Variants in ZFPM2 observed in about 807,000 individuals in gnomAD.
ZFPM2 encodes the protein zinc finger protein ZFPM2.
ZFPM2 carries 20 observed loss-of-function variants against 98.6 expected under a neutral mutation model. The observed-to-expected ratio is 0.20, with a 90% CI of 0.14 to 0.29. The LOEUF is 0.29. Ranked by LOEUF, ZFPM2 falls within the 10% of genes least tolerant of loss-of-function variation. The pLI is 1.00. For synonymous variants in ZFPM2, 518 were observed against 502.7 expected (o/e 1.03, Z -0.41); for missense variants, 1,310 against 1,388.6 (o/e 0.94, Z 0.90).
chr8:105,678,407 CT>C (rs2130916253), intron 5 of ZFPM2: 1 of 152,252 alleles, frequency 6.6e-6, no homozygotes, highest in South Asian at 2.1e-4. Flanking sequence ...AAAATATAAT[CT>C]GATTGAGTAC....
intron 3 of ZFPM2, among the ~76,000 whole-genome samples, chr8:105,487,500 A>G (rs1421247375): frequency 1.3e-5 from 2 of 152,170 alleles, no homozygotes; most frequent in African/African-American, 4.8e-5. Context: ...GTTCTACAGA[A>G]CACGATTTAC....
intron 4 of ZFPM2, among the ~76,000 whole-genome samples, chr8:105,630,421 C>T (rs953407238): frequency 2.0e-5 from 3 of 152,136 alleles, no homozygotes; most frequent in African/African-American, 7.2e-5. Flanking sequence ...TGACTTACCT[C>T]CTCAAAGCTG....
intron 5 of ZFPM2, among the ~76,000 whole-genome samples, chr8:105,700,591 ATTGT>A (rs5893756): frequency 0.071 from 10,605 of 150,416 alleles, 414 homozygotes; most frequent in Middle Eastern, 0.14. Flanking sequence ...TGTTTGTTTG[ATTGT>A]TTGTTTGTTT....
chr8:105,740,542 T>TATTA (rs1491535612), intron 5 of ZFPM2, among the ~76,000 whole-genome samples: 294 of 145,346 alleles, frequency 2.0e-3, no homozygotes, highest in Non-Finnish European at 3.9e-3. Context: ...TATATATATA[T>TATTA]TATATATATA....
intron 5 of ZFPM2, among the ~76,000 whole-genome samples, chr8:105,690,486 G>A (rs550957702): frequency 6.6e-5 from 10 of 152,112 alleles, no homozygotes; most frequent in South Asian, 4.1e-4. Context: ...ACAAGCTTCC[G>A]CACCAGGGAT....
intron 1 of ZFPM2, among the ~76,000 whole-genome samples, chr8:105,359,583 C>T (rs1282840201): frequency 6.6e-6 from 1 of 151,898 alleles, no homozygotes; most frequent in Non-Finnish European, 1.5e-5. Flanking sequence ...ACCGTGTTAG[C>T]CAGGATGGTC....
intron 5 of ZFPM2, among the ~76,000 whole-genome samples, chr8:105,743,454 T>C (rs1812269750): frequency 6.6e-6 from 1 of 152,020 alleles, no homozygotes; most frequent in South Asian, 2.1e-4. Context: ...GATGTGAGGC[T>C]ATGCATGTCG....
intron 5 of ZFPM2, among the ~76,000 whole-genome samples, chr8:105,757,280 C>G (rs1367717542): frequency 6.6e-6 from 1 of 152,114 alleles, no homozygotes; most frequent in Non-Finnish European, 1.5e-5. Context: ...ATTAGACTCA[C>G]AAGTTGAAGA....
intron 4 of ZFPM2, among the ~76,000 whole-genome samples, chr8:105,614,521 C>G (rs1816373354): frequency 6.6e-6 from 1 of 152,118 alleles, no homozygotes; most frequent in Non-Finnish European, 1.5e-5. Context: ...ATTATGCATA[C>G]TCTAATGCAT....
At chr8:105,732,220 A>G (rs1249767178) in intron 5 of ZFPM2, among the ~76,000 whole-genome samples, 1 of 151,814 alleles carries the variant, frequency 6.6e-6, no homozygotes, top group Non-Finnish European at 1.5e-5. Flanking sequence ...AGGCTTTCTA[A>G]TTACAACAAC....
chr8:105,793,020 G>C (rs1464019944), intron 6 of ZFPM2, among the ~76,000 whole-genome samples: 2 of 151,808 alleles, frequency 1.3e-5, no homozygotes, highest in African/African-American at 4.9e-5. Context: ...ACACACTGAT[G>C]AGTCTTGACT....
chr8:105,802,931 A>G lies in ZFPM2; in HGVS notation c.2849A>G (p.Gln950Arg). ...TTGAAGGTCTTTAGTGAAGCTGCTC[A>G]GCTCATTGCTACAAAAGAAGAAAAC... Reference protein sequence around the residue: ...QGLKVFSEAAQLIATKEENRH... With the variant: ...QGLKVFSEAARLIATKEENRH... Residue 950 changes from glutamine to arginine, a missense_variant, in exon 8 of 8, where the codon CAG becomes CGG. Transcript: ENST00000407775. 2 of 1,613,328 alleles carry G rather than the reference A, an allele frequency of 1.2e-6. No individual in the cohort carries two copies. The highest frequency in any genetic ancestry group is 1.7e-6 in the Non-Finnish European group (2 of 1,179,690).
intron 2 of ZFPM2, among the ~76,000 whole-genome samples, chr8:105,441,906 C>T (rs74420331): frequency 1.3e-5 from 2 of 152,104 alleles, no homozygotes; most frequent in Non-Finnish European, 2.9e-5. Context: ...TAGTTCAGGG[C>T]TAGCGTCTAT....
rs574367407 is a variant in ZFPM2 at position 105,651,591 on chromosome 8, G to T, written c.532+17234G>T. Reference sequence around the variant, plus strand: ...TTTAACAGGTACCATTAAATATTTAGTGTGTATCAACACCTCTAAAAGGCC... The same window carrying T: ...TTTAACAGGTACCATTAAATATTTATTGTGTATCAACACCTCTAAAAGGCC... On this transcript the variant is annotated intron_variant, in intron 5 of 7. Coordinates refer to ENST00000407775, the MANE Select transcript of ZFPM2 (RefSeq NM_012082.4). 7.9e-5 allele frequency among the ~76,000 whole-genome samples: 12 copies of T among 151,748 alleles called. No homozygotes were observed. In the South Asian group the frequency reaches 2.3e-3, roughly 29 times the overall value.
chr8:105,495,947 T>C (rs1563685277), intron 3 of ZFPM2, among the ~76,000 whole-genome samples: 3 of 152,196 alleles, frequency 2.0e-5, no homozygotes, highest in Non-Finnish European at 4.4e-5. Flanking sequence ...TACAGAGAGT[T>C]CCCATACTTT....
intron 5 of ZFPM2, among the ~76,000 whole-genome samples, chr8:105,768,497 C>G (rs138071472): frequency 7.2e-5 from 11 of 152,082 alleles, no homozygotes; most frequent in South Asian, 4.1e-4. Context: ...CATCAAAGCT[C>G]TCTCCCAAAT....
chr8:105,615,248 G>A (rs567053815), intron 4 of ZFPM2, among the ~76,000 whole-genome samples: 14 of 152,176 alleles, frequency 9.2e-5, no homozygotes, highest in African/African-American at 2.9e-4. Context: ...CACAATAATG[G>A]AAATATACTC....
chr8:105,499,278 G>A (rs2130463371), intron 3 of ZFPM2, among the ~76,000 whole-genome samples: 1 of 151,528 alleles, frequency 6.6e-6, no homozygotes, highest in Non-Finnish European at 1.5e-5. Context: ...GTGGAGCTGG[G>A]AGAGAAAAGG....
intron 6 of ZFPM2, among the ~76,000 whole-genome samples, chr8:105,790,943 G>A (rs1228674204): frequency 2.0e-5 from 3 of 152,020 alleles, no homozygotes; most frequent in African/African-American, 4.8e-5. Flanking sequence ...TTGATTTTGT[G>A]TCCTGAGACT....
Sources: gnomAD v4.1 joint callset for allele counts (sites outside exome capture counted in the v4.1 genomes callset) on GRCh38, gnomAD v4.1.1 for gene constraint, MANE v1.5 for transcripts, NCBI Gene and HGNC (gene_info 2026-07-23, HGNC 2026-07-21) for gene names.